Variants in ATP9A observed in about 807,000 individuals in gnomAD.
The protein encoded by ATP9A is probable phospholipid-transporting ATPase IIA.
ATP9A carries 52 observed loss-of-function variants against 144.1 expected under a neutral mutation model. That is an observed-to-expected ratio of 0.36 (90% confidence interval 0.29 to 0.45). The LOEUF is 0.45. ATP9A is among the 20% of genes least tolerant of loss of function. The pLI is 1.00. For missense variants in ATP9A, 947 were observed against 1,392.7 expected, an observed-to-expected ratio of 0.68 and a Z score of 5.09; for synonymous variants, 582 against 557.4, an observed-to-expected ratio of 1.04 and a Z score of -0.62.
At chr20:51,719,127 CAA>C (rs111428067) in intron 3 of ATP9A, among the ~76,000 whole-genome samples, 2 of 133,580 alleles carry the variant, frequency 1.5e-5, no homozygotes, top group Admixed American at 7.6e-5. Context: ...GACTCTGTCT[CAA>C]AAAAAAAAAA....
intron 16 of ATP9A, among the ~76,000 whole-genome samples, chr20:51,628,182 C>T (rs994856664): frequency 5.9e-5 from 9 of 152,162 alleles, no homozygotes; most frequent in Admixed American, 5.9e-4. Flanking sequence ...AACTGCCAGG[C>T]CCCTGTAGGC....
chr20:51,610,245 T>C (rs2077179813), intron 23 of ATP9A, 80 bp from the exon 24 acceptor site: 2 of 1,182,860 alleles, frequency 1.7e-6, no homozygotes, highest in Admixed American at 1.8e-5. Flanking sequence ...TAACACCTGA[T>C]ACTTACATAA....
In ATP9A at chr20:51,749,157, T is replaced by C. The variant is rs73616843; in HGVS notation, c.68+19145A>G. ...AGGAGAATCACTTGAACCCAGGAGTTTGAGACAGCCTAGGCAACACAGCCC... is the reference window on the plus strand; with the variant it reads ...AGGAGAATCACTTGAACCCAGGAGTCTGAGACAGCCTAGGCAACACAGCCC... On this transcript the variant is annotated intron_variant, in intron 1 of 27. Transcript: ENST00000338821. Among the ~76,000 whole-genome samples the C allele has an allele frequency of 2.6e-5, 4 of 152,212 alleles. No individual in the cohort carries two copies. The South Asian group carries it at 6.2e-4, about 24-fold the overall frequency.
At chr20:51,767,068 C>G (rs552345170) in intron 1 of ATP9A, among the ~76,000 whole-genome samples, 2,995 of 90,398 alleles carry the variant, frequency 0.033, 37 homozygotes, top group Non-Finnish European at 0.048. Flanking sequence ...GCCGCCAGCA[C>G]CATTCTTTTT....
chr20:51,660,172 T>C (rs1379337976), intron 13 of ATP9A, among the ~76,000 whole-genome samples: 2 of 152,220 alleles, frequency 1.3e-5, no homozygotes, highest in Non-Finnish European at 2.9e-5. Flanking sequence ...AATCGTTATT[T>C]AACATTAGGC....
intron 1 of ATP9A, among the ~76,000 whole-genome samples, chr20:51,760,630 G>A (rs1490262624): frequency 1.3e-5 from 2 of 151,516 alleles, no homozygotes; most frequent in Non-Finnish European, 2.9e-5. Flanking sequence ...GGGAGGCTGA[G>A]GCAGGAGAAT....
intron 3 of ATP9A, among the ~76,000 whole-genome samples, chr20:51,722,914 T>C (rs2077695746): frequency 6.6e-6 from 1 of 152,184 alleles, no homozygotes; most frequent in Non-Finnish European, 1.5e-5. Context: ...AATTCACAAT[T>C]GCAAAATCGT....
intron 22 of ATP9A, among the ~76,000 whole-genome samples, chr20:51,615,794 C>T (rs1217120604): frequency 6.6e-6 from 1 of 152,116 alleles, no homozygotes; most frequent in African/African-American, 2.4e-5. Context: ...CACTGCCATG[C>T]CTGGCTAATT....
intron 25 of ATP9A, 107 bp downstream of exon 25, chr20:51,608,411 G>A (rs772758917): frequency 1.0e-5 from 8 of 773,038 alleles, no homozygotes; most frequent in African/African-American, 1.7e-5. Flanking sequence ...AATCAGAATT[G>A]GAGGGTCTGT....
intron 7 of ATP9A, 41 bp downstream of exon 7, chr20:51,693,967 A>G (rs1167096542): frequency 1.3e-6 from 2 of 1,563,184 alleles, no homozygotes; most frequent in Non-Finnish European, 1.8e-6. Context: ...CCCTGCTAAG[A>G]TAGGTTGCCC....
chr20:51,614,241 C>T (rs1385862469), intron 22 of ATP9A, among the ~76,000 whole-genome samples: 1 of 152,220 alleles, frequency 6.6e-6, no homozygotes, highest in African/African-American at 2.4e-5. Flanking sequence ...TGCACACTCA[C>T]AGAAGTGGGA....
chr20:51,683,025 G>A (rs557655198), intron 9 of ATP9A, among the ~76,000 whole-genome samples: 174 of 151,028 alleles, frequency 1.2e-3, no homozygotes, highest in African/African-American at 4.1e-3. Context: ...CCAGGAGGTG[G>A]AGGTTGCAAT....
intron 21 of ATP9A, 107 bp from the exon 22 acceptor site, chr20:51,617,661 T>G: frequency 8.3e-7 from 1 of 1,211,124 alleles, no homozygotes; most frequent in Non-Finnish European, 1.2e-6. Flanking sequence ...GCTTGCTGAG[T>G]GCCTGGCCTG....
intron 9 of ATP9A, among the ~76,000 whole-genome samples, chr20:51,677,173 A>T (rs529535546): frequency 6.6e-6 from 1 of 151,354 alleles, no homozygotes; most frequent in South Asian, 2.1e-4. Context: ...GATTCAAGTG[A>T]TCCTCCCACC....
chr20:51,729,795 T>C (rs776559626), intron 2 of ATP9A, 39 bp downstream of exon 2: 5 of 1,514,936 alleles, frequency 3.3e-6, no homozygotes, highest in African/African-American at 1.4e-5. Context: ...GTATTTGTGA[T>C]GGAAAAAAGA....
At position 51,646,298 on chromosome 20, in the gene ATP9A, T is replaced by C. The variant is rs116572902; in HGVS notation, c.1507-6794A>G. On this transcript the variant is annotated intron_variant, in intron 14 of 27. Transcript: ENST00000338821. ...GGGAAATAAGCCAGATCACGCTCAG[T>C]AGCCTTGAATTCTTGTCAAAAGCAG... Among the ~76,000 whole-genome samples, 279 of 152,278 alleles carry C rather than the reference T, an allele frequency of 1.8e-3. 3 individuals carry two copies. The highest frequency in any genetic ancestry group is 6.2e-3 in the African/African-American group (256 of 41,544).
intron 15 of ATP9A, among the ~76,000 whole-genome samples, chr20:51,638,831 G>A (rs1023963456): frequency 2.0e-5 from 3 of 152,120 alleles, no homozygotes; most frequent in African/African-American, 7.2e-5. Context: ...TTTTAAAAGA[G>A]CCAGTAGAAA....
In ATP9A at chr20:51,607,520, T is replaced by A. The variant is rs1301935286; in HGVS notation, c.2803+7A>T. On this transcript the variant is annotated splice_region_variant and intron_variant, in intron 26 of 27. Coordinates refer to ENST00000338821, the MANE Select transcript of ATP9A (RefSeq NM_006045.3). Reference sequence around the variant, plus strand: ...CAAGACAAACAGGTGTCTCCACTCATCCTTACCTTGATAGATGCTAATCAA... The same window carrying A: ...CAAGACAAACAGGTGTCTCCACTCAACCTTACCTTGATAGATGCTAATCAA... 1 of 1,609,276 alleles carries A rather than the reference T, an allele frequency of 6.2e-7. No homozygotes were observed. The highest frequency in any genetic ancestry group is 2.2e-5 in the East Asian group (1 of 44,838).
chr20:51,619,676 C>T (rs907692857), intron 19 of ATP9A, among the ~76,000 whole-genome samples: 2 of 151,620 alleles, frequency 1.3e-5, no homozygotes, highest in African/African-American at 4.8e-5. Context: ...CAAGACCAGC[C>T]TGACCCACAT....
Sources: allele counts gnomAD v4.1 joint callset (sites outside exome capture counted in the v4.1 genomes callset), GRCh38; gene constraint gnomAD v4.1.1; transcripts MANE v1.5; gene names NCBI Gene and HGNC (gene_info 2026-07-23, HGNC 2026-07-21).